MN1: variants seen among roughly 807,000 people sequenced by gnomAD.
MN1 encodes the protein transcriptional activator MN1.
MN1 carries 19 observed loss-of-function variants against 86.9 expected under a neutral mutation model. That is an observed-to-expected ratio of 0.22 (90% CI 0.15 to 0.32). The LOEUF is 0.32. MN1 is among the 10% of genes least tolerant of loss of function. MN1 has a pLI of 1.00. For synonymous variants in MN1, 928 were observed against 849.6 expected (o/e 1.09, Z -1.60); for missense variants, 1,841 against 1,862.0 (o/e 0.99, Z 0.21).
At chr22:27,791,158 G>A (rs1368568003) in intron 1 of MN1, among the ~76,000 whole-genome samples, 3 of 152,134 alleles carry the variant, frequency 2.0e-5, no homozygotes, top group Non-Finnish European at 4.4e-5. Flanking sequence ...GAACTGCATG[G>A]GGCCCTGCTT....
At chr22:27,793,682 G>A (rs1601341219) in intron 1 of MN1, among the ~76,000 whole-genome samples, 1 of 152,102 alleles carries the variant, frequency 6.6e-6, no homozygotes, top group African/African-American at 2.4e-5. Context: ...ATCATCCCAT[G>A]TGATGTTGGC....
chr22:27,762,085 G>T (rs1228844206), intron 1 of MN1, among the ~76,000 whole-genome samples: 1 of 152,128 alleles, frequency 6.6e-6, no homozygotes, highest in East Asian at 1.9e-4. Flanking sequence ...CTCTGATTGG[G>T]CTCCCTGTCC....
At position 27,750,836 on chromosome 22, in the gene MN1, G is replaced by C. The variant is rs956645390; in HGVS notation, c.*79C>G. The C allele has an allele frequency of 1.6e-6, 2 of 1,280,682 alleles. No individual in the cohort carries two copies. The highest frequency in any genetic ancestry group is 2.1e-6 in the Non-Finnish European group (2 of 939,760). The allele number at this position is 1,280,682 out of a possible 1,614,324, so 79.3% of individuals were successfully genotyped here. ...AGTGGCCCTTTCAAATTAACAGAGGGGTGGGGTAAGGTTGAGGGGGAAGGA... is the reference window on the plus strand; with the variant it reads ...AGTGGCCCTTTCAAATTAACAGAGGCGTGGGGTAAGGTTGAGGGGGAAGGA... On this transcript the variant is annotated 3_prime_UTR_variant, in exon 2 of 2. Coordinates refer to ENST00000302326, the MANE Select transcript of MN1 (RefSeq NM_002430.3).
At chr22:27,766,817 C>G (rs1308848124) in intron 1 of MN1, among the ~76,000 whole-genome samples, 1 of 152,124 alleles carries the variant, frequency 6.6e-6, no homozygotes, top group Non-Finnish European at 1.5e-5. Context: ...AGCACCAGAC[C>G]CCCTCCTCGT....
intron 1 of MN1, among the ~76,000 whole-genome samples, chr22:27,779,680 T>C (rs904088718): frequency 4.6e-5 from 7 of 152,134 alleles, no homozygotes; most frequent in Admixed American, 4.6e-4. Flanking sequence ...TTAATAACTG[T>C]AGCTTGTTAG....
At chr22:27,769,552 A>ATGTTTTTTT (rs1932896910) in intron 1 of MN1, among the ~76,000 whole-genome samples, 1 of 83,268 alleles carries the variant, frequency 1.2e-5, no homozygotes, top group Non-Finnish European at 2.1e-5. Flanking sequence ...AAGGATGCCA[A>ATGTTTTTTT]TTTTTTTTTT....
intron 1 of MN1, chr22:27,791,907 C>A (rs1384743561): frequency 6.6e-6 from 1 of 152,202 alleles, no homozygotes; most frequent in Non-Finnish European, 1.5e-5. Context: ...CCTGTGAAAT[C>A]CCAGTGACCC....
chr22:27,749,375 C>T lies in MN1; in HGVS notation c.*1540G>A. On this transcript the variant is annotated 3_prime_UTR_variant, in exon 2 of 2. Coordinates refer to ENST00000302326, the MANE Select transcript of MN1 (RefSeq NM_002430.3). Reference sequence around the variant, plus strand: ...AAGTGGAGCGTTTTAGTAAGACACGCTCGTTAACAAAAACTGAAATTAAAT... The same window carrying T: ...AAGTGGAGCGTTTTAGTAAGACACGTTCGTTAACAAAAACTGAAATTAAAT... 4.3e-6 allele frequency: 1 copy of T among 231,942 alleles called. No individual in the cohort carries two copies. The highest frequency in any genetic ancestry group is 8.5e-6 in the Non-Finnish European group (1 of 117,222). The allele number at this position is 231,942 out of a possible 1,614,324, so 14.4% of individuals were successfully genotyped here. A position where few individuals can be genotyped will look rare whatever the true frequency, so the allele number is the denominator to read the frequency against.
chr22:27,770,476 C>T (rs961279552), intron 1 of MN1, among the ~76,000 whole-genome samples: 1 of 152,184 alleles, frequency 6.6e-6, no homozygotes, highest in Non-Finnish European at 1.5e-5. Context: ...CCACCTCTGC[C>T]TTGTCCCAGC....
chr22:27,778,842 G>C (rs1240653030), intron 1 of MN1, among the ~76,000 whole-genome samples: 1 of 152,232 alleles, frequency 6.6e-6, no homozygotes, highest in Non-Finnish European at 1.5e-5. Flanking sequence ...ACTCGGGTAG[G>C]ACAGTGGCTG....
At chr22:27,788,880 C>T (rs1933175072) in intron 1 of MN1, among the ~76,000 whole-genome samples, 1 of 152,128 alleles carries the variant, frequency 6.6e-6, no homozygotes, top group Non-Finnish European at 1.5e-5. Context: ...CGAGTGGCAT[C>T]AGAAAGACCC....
chr22:27,784,150 C>T (rs1933090363), intron 1 of MN1, among the ~76,000 whole-genome samples: 1 of 152,168 alleles, frequency 6.6e-6, no homozygotes, highest in Admixed American at 6.5e-5. Flanking sequence ...ACTGGGGACC[C>T]TGGATCTCCC....
chr22:27,764,601 C>T (rs1308565235), intron 1 of MN1, among the ~76,000 whole-genome samples: 3 of 152,172 alleles, frequency 2.0e-5, no homozygotes, highest in African/African-American at 4.8e-5. Context: ...AATGGGGACT[C>T]GTGCCAGGTC....
At chr22:27,773,642 A>G (rs1369035366) in intron 1 of MN1, among the ~76,000 whole-genome samples, 1 of 152,158 alleles carries the variant, frequency 6.6e-6, no homozygotes, top group African/African-American at 2.4e-5. Flanking sequence ...GGCCCCAAAC[A>G]TCATCTTGGT....
rs1214809970 is a variant in MN1 at position 27,798,707 on chromosome 22, C to T, written c.1837G>A (p.Gly613Arg). The stretch of plus-strand genomic sequence containing the variant: ...TGCTGCTCGAAGGTGCCCAGACGCC[C>T]GGCGCCCGTGCTGCCGCCTTCGCGC... ...FEREGGSTGA[G>R]RLGTFEQQAP... is the part of the protein sequence containing the mutation. The change falls in exon 1 of 2, where the codon GGG becomes AGG. Residue 613 changes from glycine to arginine, a missense_variant. Physicochemically the swap from Gly to Arg is moderately radical, Grantham distance 125 (BLOSUM62 -2). Coordinates refer to ENST00000302326, the MANE Select transcript of MN1 (RefSeq NM_002430.3). The T allele has an allele frequency of 7.8e-6, 12 of 1,535,052 alleles. No homozygotes were observed. The Admixed American group carries it at 2.4e-4, about 30-fold the overall frequency.
chr22:27,786,783 C>T (rs1933139424), intron 1 of MN1, among the ~76,000 whole-genome samples: 1 of 151,240 alleles, frequency 6.6e-6, no homozygotes, highest in Non-Finnish European at 1.5e-5. Flanking sequence ...TGGTGGGAAC[C>T]TAGACTACTG....
At chr22:27,792,124 A>T (rs999057984) in intron 1 of MN1, among the ~76,000 whole-genome samples, 7 of 152,124 alleles carry the variant, frequency 4.6e-5, no homozygotes, top group Non-Finnish European at 1.5e-5. Flanking sequence ...CATATCAGGA[A>T]TCATAGAATT....
intron 1 of MN1, among the ~76,000 whole-genome samples, chr22:27,779,650 G>A (rs1394254047): frequency 6.6e-6 from 1 of 152,172 alleles, no homozygotes; most frequent in Admixed American, 6.5e-5. Context: ...CTGTAAAATG[G>A]GGCTTGGCAT....
Position 27,750,982 on chromosome 22 carries a change from G to T in MN1, c.3896C>A (p.Pro1299His). The change falls in exon 2 of 2, where the codon CCC becomes CAC. Residue 1299 changes from proline to histidine, a missense_variant. Coordinates refer to ENST00000302326, the MANE Select transcript of MN1 (RefSeq NM_002430.3). ...GTCAGAATGCAGGGACCGCCAGGTG[G>T]GCACGGAGGCTCGAGCCTTGGCGTC... ...VGDAKARASVPTWRSLHSDIS... is the reference protein window; with the variant it reads ...VGDAKARASVHTWRSLHSDIS... 1 of 1,613,106 alleles carries T rather than the reference G, an allele frequency of 6.2e-7. No homozygotes were observed. The highest frequency in any genetic ancestry group is 1.3e-5 in the African/African-American group (1 of 75,026).
Sources: gnomAD v4.1 joint callset for allele counts (sites outside exome capture counted in the v4.1 genomes callset) on GRCh38, gnomAD v4.1.1 for gene constraint, MANE v1.5 for transcripts, NCBI Gene and HGNC (gene_info 2026-07-23, HGNC 2026-07-21) for gene names.